The following ROBO3 variants were observed in gnomAD, a reference collection of about 807,000 sequenced individuals.
The protein encoded by ROBO3 is roundabout homolog 3.
A neutral mutation model predicts 160.5 loss-of-function variants in ROBO3; 97 were observed. The observed-to-expected ratio is 0.60, with a 90% CI of 0.51 to 0.72. ROBO3 has a LOEUF of 0.72. Ranked by LOEUF, ROBO3 falls within the 30% of genes least tolerant of loss-of-function variation. ROBO3 has a pLI of 0.00. For missense variants in ROBO3, 1,858 were observed against 1,846.5 expected, an observed-to-expected ratio of 1.01 and a Z score of -0.11; for synonymous variants, 780 against 746.2, an observed-to-expected ratio of 1.05 and a Z score of -0.74.
At position 124,878,104 on chromosome 11, in the gene ROBO3, C is replaced by T. The variant is rs765301841; in HGVS notation, c.3154C>T (p.Pro1052Ser). Reference protein sequence around the residue: ...GDLGPWSQYAPPEWSQGDSGA... With the variant: ...GDLGPWSQYASPEWSQGDSGA... ...TCTGGGTCCCTGGAGCCAGTACGCT[C>T]CTCCAGAGTGGAGCCAGGGGGACAG... The change falls in exon 21 of 28, where the codon CCT becomes TCT. Residue 1052 changes from proline to serine, a missense_variant. Physicochemically the swap from Pro to Ser is moderately conservative, Grantham distance 74. Transcript: ENST00000397801. This position sits in a 1 kb window ranked among gnomAD's most constrained non-coding sequence, Gnocchi z 4.3. The T allele has an allele frequency of 6.8e-6, 11 of 1,609,734 alleles. No individual in the cohort carries two copies. The African/African-American group carries it at 1.2e-4, about 18-fold the overall frequency.
rs1946582223 is a variant in ROBO3 at position 124,881,424 on chromosome 11, A to G, written c.*174A>G. 4.7e-6 allele frequency: 3 copies of G among 634,980 alleles called. No homozygotes were observed. Among genetic ancestry groups the G allele is most frequent in the South Asian group, 4.1e-5 (2 of 49,298 alleles). The allele number at this position is 634,980 out of a possible 1,614,324, so 39.3% of individuals were successfully genotyped here. A position where few individuals can be genotyped will look rare whatever the true frequency, so the allele number is the denominator to read the frequency against. On this transcript the variant is annotated 3_prime_UTR_variant, in exon 28 of 28. Coordinates refer to ENST00000397801, the MANE Select transcript of ROBO3 (RefSeq NM_022370.4). ...CCCTTTCTTTCTTTTTCCACCTGAG[A>G]CTTGTTTATAAAAAACAAAACAATA...
chr11:124,871,084 C>A lies in ROBO3; in HGVS notation c.1104C>A (p.Cys368Ter), dbSNP rs35978862. ...AAPGESVAFQ[C>*]ETKGNPPPAI... ...CTGGAGAGAGCGTGGCTTTCCAGTG[C>A]GAGACCAAAGGAAACCCCCCACCTG... The change falls in exon 7 of 28, where the codon TGC (cysteine) becomes TGA (stop). Residue 368 changes from cysteine (C) to a stop codon, truncating the protein, a stop_gained. Coordinates refer to ENST00000397801, the MANE Select transcript of ROBO3 (RefSeq NM_022370.4). LOFTEE classifies it high-confidence loss of function. 6.2e-7 allele frequency: 1 copy of A among 1,613,580 alleles called. No individual in the cohort carries two copies.
Position 124,869,338 on chromosome 11 carries a change from G to A in ROBO3, c.488-112G>A. 2.5e-6 allele frequency: 3 copies of A among 1,179,570 alleles called. No homozygotes were observed. The highest frequency in any genetic ancestry group is 3.7e-6 in the Non-Finnish European group (3 of 811,018). The allele number at this position is 1,179,570 out of a possible 1,614,324, so 73.1% of individuals were successfully genotyped here. ...GGCTGATATTTTCTCACCTGGGAAC[G>A]AATTCCAGTCTGCAGCGATCAACCC... is the stretch of plus-strand genomic sequence containing the variant. On this transcript the variant is annotated intron_variant, in intron 2 of 27. Coordinates refer to ENST00000397801, the MANE Select transcript of ROBO3 (RefSeq NM_022370.4). The surrounding 1 kb of genome is among the most constrained non-coding windows in gnomAD (Gnocchi z 4.2).
chr11:124,868,746 C>G, intron 1 of ROBO3, 56 bp from the exon 2 acceptor site: 1 of 1,511,682 alleles, frequency 6.6e-7, no homozygotes, highest in Non-Finnish European at 9.0e-7. Flanking sequence ...TCTGGAGCCT[C>G]AATCTCTCCC....
Position 124,872,383 on chromosome 11 carries a change from C to T in ROBO3, c.1161C>T (p.Val387=), listed in dbSNP as rs754762105. Residue 387 remains valine (V), a splice_region_variant and synonymous_variant, in exon 8 of 28, where the codon GTC becomes GTT. Coordinates refer to ENST00000397801, the MANE Select transcript of ROBO3 (RefSeq NM_022370.4). This position sits in a 1 kb window ranked among gnomAD's most constrained non-coding sequence, Gnocchi z 4.3. ...AIFWQKEGSQ[V]LLFPSQSLQP... ...CTGGTTCCTTGCTCTGTCCCCAGGT[C>T]CTGCTTTTCCCCAGTCAGTCACTTC... The T allele has an allele frequency of 1.2e-6, 2 of 1,613,864 alleles. No homozygotes were observed. The highest frequency in any genetic ancestry group is 1.7e-5 in the Admixed American group (1 of 60,010).
chr11:124,875,109 A>G lies in ROBO3; in HGVS notation c.2074-2A>G. The stretch of plus-strand genomic sequence containing the variant: ...TGGTGTGCCTTGTCCTGTCTCCCAC[A>G]GGTGGATGGCCCAGTCCAGCTGGTG... On this transcript the variant is annotated splice_acceptor_variant, in intron 13 of 27. Coordinates refer to ENST00000397801, the MANE Select transcript of ROBO3 (RefSeq NM_022370.4). LOFTEE classifies it high-confidence loss of function. The G allele has an allele frequency of 5.0e-6, 8 of 1,598,662 alleles. No homozygotes were observed. Among genetic ancestry groups the G allele is most frequent in the Non-Finnish European group, 6.0e-6 (7 of 1,173,076 alleles).
At position 124,876,380 on chromosome 11, in the gene ROBO3, C is replaced by A; in HGVS notation, c.2699C>A (p.Ala900Asp). The A allele has an allele frequency of 6.9e-7, 1 of 1,445,002 alleles. No individual in the cohort carries two copies. The highest frequency in any genetic ancestry group is 9.0e-7 in the Non-Finnish European group (1 of 1,106,512). The allele number at this position is 1,445,002 out of a possible 1,614,324, so 89.5% of individuals were successfully genotyped here. The stretch of plus-strand genomic sequence containing the variant: ...GCCTTCCTCGCGGGCAGCGGCGCAG[C>A]CTGCGGGGCGCTGCTTCTCGGGCTC... The part of the protein sequence containing the change: ...EPAFLAGSGA[A>D]CGALLLGLCA... The change falls in exon 17 of 28, where the codon GCC becomes GAC. Residue 900 changes from alanine to aspartate, a missense_variant. Physicochemically the swap from Ala to Asp is moderately radical, Grantham distance 126. Transcript: ENST00000397801. This position sits in a 1 kb window ranked among gnomAD's most constrained non-coding sequence, Gnocchi z 5.3.
Position 124,870,077 on chromosome 11 carries a change from A to C in ROBO3, c.766+9A>C, listed in dbSNP as rs748372639. 1 of 1,613,972 alleles carries C rather than the reference A, an allele frequency of 6.2e-7. No individual in the cohort carries two copies. ...TGAAGTCATGGTACTGGGTAGGCAC[A>C]GGGAATTTTGACATTATGGGAACAG... On this transcript the variant is annotated intron_variant, in intron 4 of 27. Coordinates refer to ENST00000397801, the MANE Select transcript of ROBO3 (RefSeq NM_022370.4).
intron 7 of ROBO3, among the ~76,000 whole-genome samples, chr11:124,871,649 A>G (rs1480059886): frequency 6.6e-6 from 1 of 152,234 alleles, no homozygotes; most frequent in Non-Finnish European, 1.5e-5. Flanking sequence ...CAGAATGAAC[A>G]TTAACTGAAG....
Position 124,876,975 on chromosome 11 carries a change from T to G in ROBO3, c.2780-186T>G. On this transcript the variant is annotated intron_variant, in intron 17 of 27. Transcript: ENST00000397801. This position sits in a 1 kb window ranked among gnomAD's most constrained non-coding sequence, Gnocchi z 5.3. ...TTGGTTGGCTACACATAGGAATCAC[T>G]TGAGGGGCTTGAGAAAAATACCGAC... 1.4e-6 allele frequency: 1 copy of G among 708,638 alleles called. No individual in the cohort carries two copies. Among genetic ancestry groups the G allele is most frequent in the Non-Finnish European group, 2.5e-6 (1 of 394,702 alleles). 43.9% of individuals were successfully genotyped at this position (708,638 alleles called of 1,614,324 possible).
At position 124,865,827 on chromosome 11, in the gene ROBO3, C is replaced by G; in HGVS notation, c.160+90C>G. On this transcript the variant is annotated intron_variant, in intron 1 of 27. Coordinates refer to ENST00000397801, the MANE Select transcript of ROBO3 (RefSeq NM_022370.4). The surrounding 1 kb of genome is among the most constrained non-coding windows in gnomAD (Gnocchi z 5.5). ...AAGGGAAGGAGAAGCGCTCCTGTCCCGAGGTCCGGGATTGAGTGGCGCCTC... is the reference window on the plus strand; with the variant it reads ...AAGGGAAGGAGAAGCGCTCCTGTCCGGAGGTCCGGGATTGAGTGGCGCCTC... The G allele has an allele frequency of 5.0e-6, 7 of 1,402,390 alleles. No homozygotes were observed. The highest frequency in any genetic ancestry group is 6.7e-6 in the Non-Finnish European group (7 of 1,048,716). The allele number at this position is 1,402,390 out of a possible 1,614,324, so 86.9% of individuals were successfully genotyped here. A position where few individuals can be genotyped will look rare whatever the true frequency, so the allele number is the denominator to read the frequency against.
In ROBO3 at chr11:124,872,307, T is replaced by C; in HGVS notation, c.1159-74T>C. ...CATAGGAATTCTCTGAATTTTGAGA[T>C]TGACAGGAATGGGGACCTCTCCCTG... On this transcript the variant is annotated intron_variant, in intron 7 of 27. Transcript: ENST00000397801. The surrounding 1 kb of genome is among the most constrained non-coding windows in gnomAD (Gnocchi z 4.3). 1.5e-6 allele frequency: 2 copies of C among 1,327,348 alleles called. No individual in the cohort carries two copies. The highest frequency in any genetic ancestry group is 1.1e-6 in the Non-Finnish European group (1 of 919,958). The allele number at this position is 1,327,348 out of a possible 1,614,324, so 82.2% of individuals were successfully genotyped here.
At chr11:124,880,789 C>T (rs924936706) in intron 27 of ROBO3, among the ~76,000 whole-genome samples, 181 bp downstream of exon 27, 2 of 152,148 alleles carry the variant, frequency 1.3e-5, no homozygotes, top group African/African-American at 2.4e-5. Context: ...CGTGGTGGCT[C>T]ATGCCTGTAA....
In ROBO3 at chr11:124,880,458, C is replaced by T. The variant is rs2135350466; in HGVS notation, c.3999C>T (p.Ser1333=). The T allele has an allele frequency of 6.2e-7, 1 of 1,611,942 alleles. No individual in the cohort carries two copies. The change falls in exon 27 of 28, where the codon TCC becomes TCT. Residue 1333 remains serine, a synonymous_variant. Transcript: ENST00000397801. ...CATACAGCAGACCAAGCTTCCTGTC[C>T]CGGGGCCAGGGCACCAGCACATGTT... ...WLPYSRPSFL[S]RGQGTSTCST...
chr11:124,879,147 T>A (rs1192125460), intron 23 of ROBO3, 43 bp from the exon 24 acceptor site: 1 of 1,538,474 alleles, frequency 6.5e-7, no homozygotes, highest in Non-Finnish European at 8.8e-7. Flanking sequence ...AGGCATTCAG[T>A]TTTTGTGGAG....
Position 124,869,248 on chromosome 11 carries a change from G to A in ROBO3, c.487+120G>A. 8.2e-7 allele frequency: 1 copy of A among 1,214,000 alleles called. No homozygotes were observed. Among genetic ancestry groups the A allele is most frequent in the South Asian group, 1.4e-5 (1 of 71,018 alleles). The allele number at this position is 1,214,000 out of a possible 1,614,324, so 75.2% of individuals were successfully genotyped here. A position where few individuals can be genotyped will look rare whatever the true frequency, so the allele number is the denominator to read the frequency against. On this transcript the variant is annotated intron_variant, in intron 2 of 27. Coordinates refer to ENST00000397801, the MANE Select transcript of ROBO3 (RefSeq NM_022370.4). The surrounding 1 kb of genome is among the most constrained non-coding windows in gnomAD (Gnocchi z 4.2). ...TTCAGCCCACTCAGCATCCTTCTTT[G>A]GGACCGCGACCTTTGATCTCTAATG...
chr11:124,878,854 A>G lies in ROBO3; in HGVS notation c.3533+58A>G. ...AGCCCTCTATACGTATCTACTCAGTAGATGACTGGGTGGGTGGATGGATGG... is the reference window on the plus strand; with the variant it reads ...AGCCCTCTATACGTATCTACTCAGTGGATGACTGGGTGGGTGGATGGATGG... On this transcript the variant is annotated intron_variant, in intron 23 of 27. Coordinates refer to ENST00000397801, the MANE Select transcript of ROBO3 (RefSeq NM_022370.4). This position sits in a 1 kb window ranked among gnomAD's most constrained non-coding sequence, Gnocchi z 4.3. 1 of 1,387,292 alleles carries G rather than the reference A, an allele frequency of 7.2e-7. No individual in the cohort carries two copies. The highest frequency in any genetic ancestry group is 1.0e-6 in the Non-Finnish European group (1 of 994,666). The allele number at this position is 1,387,292 out of a possible 1,614,324, so 85.9% of individuals were successfully genotyped here.
intron 20 of ROBO3, 109 bp downstream of exon 20, chr11:124,877,767 G>A (rs777961378): frequency 1.4e-6 from 2 of 1,438,154 alleles, no homozygotes; most frequent in Admixed American, 4.0e-5. Flanking sequence ...GTCAGTCCCT[G>A]GGGAGGATGT....
chr11:124,868,839 C>T lies in ROBO3; in HGVS notation c.198C>T (p.Ile66=), dbSNP rs1306499691. Residue 66 remains isoleucine (I), a synonymous_variant, in exon 2 of 28, where the codon ATC becomes ATT. Transcript: ENST00000397801. ...RVGPEDAMPR[I]VEQPPDLLVS... is the part of the protein sequence containing the mutation. ...GACCGGAGGACGCTATGCCCCGCAT[C>T]GTGGAGCAGCCGCCAGATCTGCTGG... 2.5e-6 allele frequency: 4 copies of T among 1,610,190 alleles called. No homozygotes were observed. The highest frequency in any genetic ancestry group is 2.5e-6 in the Non-Finnish European group (3 of 1,178,774).
Sources: gnomAD v4.1 joint callset for allele counts (sites outside exome capture counted in the v4.1 genomes callset) on GRCh38, gnomAD v4.1.1 for gene constraint, Gnocchi (gnomAD v3.1) non-coding constraint, MANE v1.5 for transcripts, NCBI Gene and HGNC (gene_info 2026-07-23, HGNC 2026-07-21) for gene names.